ZNF804A: variants seen among roughly 807,000 people sequenced by gnomAD.
ZNF804A encodes the protein zinc finger protein 804A.
ZNF804A carries 2 observed loss-of-function variants against 16.5 expected under a neutral mutation model. That is an observed-to-expected ratio of 0.12 (90% CI 0.05 to 0.38). The LOEUF is 0.38. Among genes scored for constraint, ZNF804A ranks in the 10% least tolerant of loss-of-function variants. The pLI, the probability that ZNF804A is intolerant of heterozygous loss-of-function variation, is 0.99. For synonymous variants in ZNF804A, 534 were observed against 489.6 expected (o/e 1.09, Z -1.20); for missense variants, 1,473 against 1,390.7 (o/e 1.06, Z -0.94).
chr2:184,870,039 G>C (rs77169530), intron 2 of ZNF804A, among the ~76,000 whole-genome samples: 2 of 151,844 alleles, frequency 1.3e-5, no homozygotes, highest in East Asian at 3.9e-4. Context: ...AAAGATGTTC[G>C]ATTGTAACAA....
chr2:184,838,895 A>G (rs1311579149), intron 1 of ZNF804A, among the ~76,000 whole-genome samples: 1 of 152,140 alleles, frequency 6.6e-6, no homozygotes, highest in Non-Finnish European at 1.5e-5. Flanking sequence ...CATTGTTTTC[A>G]TAAGGTTTTT....
intron 1 of ZNF804A, among the ~76,000 whole-genome samples, chr2:184,764,637 A>T (rs940037963): frequency 6.6e-6 from 1 of 152,280 alleles, no homozygotes; most frequent in Non-Finnish European, 1.5e-5. Context: ...CAAAACAACA[A>T]TTTATACAGG....
chr2:184,679,182 A>T (rs566387253), intron 1 of ZNF804A, among the ~76,000 whole-genome samples: 46 of 152,336 alleles, frequency 3.0e-4, no homozygotes, highest in African/African-American at 1.0e-3. Context: ...ATTAGGTGAA[A>T]TGTGTTTACT....
chr2:184,746,915 C>T (rs1410717315), intron 1 of ZNF804A, among the ~76,000 whole-genome samples: 2 of 151,344 alleles, frequency 1.3e-5, no homozygotes, highest in South Asian at 2.1e-4. Flanking sequence ...TAATAAAGGA[C>T]GTATTTTTGA....
At chr2:184,855,189 G>T (rs1003752296) in intron 1 of ZNF804A, among the ~76,000 whole-genome samples, 10 of 152,116 alleles carry the variant, frequency 6.6e-5, no homozygotes, top group African/African-American at 2.4e-4. Flanking sequence ...GAATGACTGT[G>T]CTGGGATATG....
intron 1 of ZNF804A, among the ~76,000 whole-genome samples, chr2:184,699,369 A>G (rs1032845090): frequency 2.0e-5 from 3 of 152,182 alleles, no homozygotes; most frequent in African/African-American, 7.2e-5. Flanking sequence ...ATGAGTTAAT[A>G]TTTAGGCACC....
chr2:184,624,798 T>A (rs1476201476), intron 1 of ZNF804A, among the ~76,000 whole-genome samples: 1 of 152,156 alleles, frequency 6.6e-6, no homozygotes, highest in Non-Finnish European at 1.5e-5. Context: ...CTGTATAGTT[T>A]TGAATTTATA....
intron 1 of ZNF804A, among the ~76,000 whole-genome samples, chr2:184,794,785 T>C (rs549363607): frequency 2.6e-5 from 4 of 152,062 alleles, no homozygotes; most frequent in South Asian, 4.1e-4. Context: ...AGGATGCATA[T>C]AAACTTAAGG....
intron 1 of ZNF804A, among the ~76,000 whole-genome samples, chr2:184,806,264 C>G (rs1435855880): frequency 2.0e-5 from 3 of 151,994 alleles, no homozygotes; most frequent in African/African-American, 7.2e-5. Flanking sequence ...ATTTCATACT[C>G]TTATACATTC....
chr2:184,828,368 T>C (rs1574231143), intron 1 of ZNF804A, among the ~76,000 whole-genome samples: 1 of 151,844 alleles, frequency 6.6e-6, no homozygotes, highest in Non-Finnish European at 1.5e-5. Context: ...CAAAAGCTGA[T>C]GCTGCAAGTA....
chr2:184,710,333 CA>C (rs1294964054), intron 1 of ZNF804A, among the ~76,000 whole-genome samples: 1 of 151,544 alleles, frequency 6.6e-6, no homozygotes, highest in Non-Finnish European at 1.5e-5. Context: ...CCTGAATTCC[CA>C]AGAAACCATT....
At chr2:184,690,438 A>G (rs1216301335) in intron 1 of ZNF804A, among the ~76,000 whole-genome samples, 1 of 152,054 alleles carries the variant, frequency 6.6e-6, no homozygotes, top group Non-Finnish European at 1.5e-5. Flanking sequence ...ATATGGAGTT[A>G]CATGAATAAT....
At chr2:184,894,872 T>C (rs1685040862) in intron 2 of ZNF804A, among the ~76,000 whole-genome samples, 1 of 151,956 alleles carries the variant, frequency 6.6e-6, no homozygotes, top group Non-Finnish European at 1.5e-5. Context: ...TTTTTTTGTT[T>C]TTAGTAGAGG....
chr2:184,921,897 A>T (rs1293704845), intron 2 of ZNF804A, among the ~76,000 whole-genome samples: 1 of 152,026 alleles, frequency 6.6e-6, no homozygotes. Context: ...GGCTTATTTC[A>T]CTTAAGACAG....
intron 1 of ZNF804A, among the ~76,000 whole-genome samples, chr2:184,804,150 C>T (rs1558966363): frequency 6.6e-6 from 1 of 152,170 alleles, no homozygotes; most frequent in East Asian, 1.9e-4. Context: ...AGGTGTGAGC[C>T]ACCGTGCCTG....
rs759053144 is a variant in ZNF804A, at chr2:184,604,146, C to CTTTTTTTTTTTTTTTTTTTT, written c.111+5098_111+5117dup. On this transcript the variant is annotated intron_variant, in intron 1 of 3. Coordinates refer to ENST00000302277, the MANE Select transcript of ZNF804A (RefSeq NM_194250.2). ...TTCAGGTTATGGATGACTGCAATTA[C>CTTTTTTTTTTTTTTTTTTTT]TTTTTTTTTTTTTTTTTTTTTTTTT... 1.1e-4 allele frequency among the ~76,000 whole-genome samples: 5 copies of CTTTTTTTTTTTTTTTTTTTT among 44,862 alleles called. 1 individual carries two copies. Among genetic ancestry groups the CTTTTTTTTTTTTTTTTTTTT allele is most frequent in the Non-Finnish European group, 1.8e-4 (4 of 22,814 alleles). 29.4% of individuals were successfully genotyped at this position (44,862 alleles called of 152,430 possible).
intron 2 of ZNF804A, among the ~76,000 whole-genome samples, chr2:184,932,375 T>A (rs1387321871): frequency 1.3e-5 from 2 of 152,148 alleles, no homozygotes; most frequent in African/African-American, 4.8e-5. Context: ...GGCCTCACAA[T>A]CTTGGTGGAA....
intron 2 of ZNF804A, among the ~76,000 whole-genome samples, chr2:184,871,404 A>G (rs1250479481): frequency 6.8e-6 from 1 of 147,152 alleles, no homozygotes; most frequent in Non-Finnish European, 1.5e-5. Context: ...GAAACATAGA[A>G]ATTACTCCAG....
chr2:184,784,547 G>C (rs1394374526), intron 1 of ZNF804A, among the ~76,000 whole-genome samples: 1 of 151,866 alleles, frequency 6.6e-6, no homozygotes, highest in African/African-American at 2.4e-5. Flanking sequence ...GAAACTGCTG[G>C]AACTACTTGT....
Sources: gnomAD v4.1 joint callset for allele counts (sites outside exome capture counted in the v4.1 genomes callset) on GRCh38, gnomAD v4.1.1 for gene constraint, MANE v1.5 for transcripts, NCBI Gene and HGNC (gene_info 2026-07-23, HGNC 2026-07-21) for gene names.